Variants in FER observed in about 807,000 individuals in gnomAD.
The protein encoded by FER is tyrosine-protein kinase Fer.
Under a neutral mutation model 111.0 loss-of-function variants are expected in FER, and 63 were observed. The ratio of observed to expected loss-of-function variants is 0.57; its 90% CI spans 0.46 to 0.70. FER has a LOEUF of 0.70. FER is among the 30% of genes least tolerant of loss of function. The pLI, the probability that FER is intolerant of heterozygous loss-of-function variation, is 0.00. For missense variants in FER, 914 were observed against 954.0 expected (o/e 0.96, Z 0.55); for synonymous variants, 327 against 313.9 (o/e 1.04, Z -0.44).
At chr5:108,901,548 A>G (rs1314845551) in intron 10 of FER, among the ~76,000 whole-genome samples, 1 of 152,184 alleles carries the variant, frequency 6.6e-6, no homozygotes, top group Non-Finnish European at 1.5e-5. Context: ...AATAAAAGTG[A>G]AGCATCTTCA....
intron 2 of FER, among the ~76,000 whole-genome samples, chr5:108,772,881 A>G (rs1317407654): frequency 6.6e-6 from 1 of 152,226 alleles, no homozygotes; most frequent in Non-Finnish European, 1.5e-5. Context: ...GTAGCAGTCT[A>G]GTCTTTCAGA....
intron 13 of FER, among the ~76,000 whole-genome samples, chr5:109,027,443 G>C (rs568466282): frequency 6.6e-6 from 1 of 152,114 alleles, no homozygotes; most frequent in African/African-American, 2.4e-5. Context: ...AATAGAATAA[G>C]GTTGTTCTTT....
intron 10 of FER, among the ~76,000 whole-genome samples, chr5:108,945,647 A>G (rs1448148796): frequency 6.6e-6 from 1 of 152,012 alleles, no homozygotes; most frequent in African/African-American, 2.4e-5. Context: ...GAAACTTCCT[A>G]GGTACTGAAG....
At chr5:108,894,986 T>G (rs1190767618) in intron 9 of FER, among the ~76,000 whole-genome samples, 1 of 152,184 alleles carries the variant, frequency 6.6e-6, no homozygotes. Context: ...GCTATTCAGG[T>G]TCCCAGTGAG....
intron 17 of FER, among the ~76,000 whole-genome samples, chr5:109,135,258 C>T (rs1199879078): frequency 2.0e-5 from 3 of 152,130 alleles, no homozygotes; most frequent in African/African-American, 2.4e-5. Flanking sequence ...TATGTATATT[C>T]GTTCACTTAA....
intron 5 of FER, among the ~76,000 whole-genome samples, chr5:108,844,093 C>CAT (rs35948091): frequency 0.21 from 20,647 of 96,748 alleles, 2,952 homozygotes; most frequent in African/African-American, 0.39. Context: ...TGCGTGTGAA[C>CAT]ATATGTGTGT....
intron 5 of FER, among the ~76,000 whole-genome samples, chr5:108,863,966 T>G (rs1763782679): frequency 6.6e-6 from 1 of 152,180 alleles, no homozygotes; most frequent in African/African-American, 2.4e-5. Context: ...GCTTCCCTCC[T>G]GCCACTCTAG....
chr5:108,982,990 T>G (rs1762169551), intron 13 of FER, among the ~76,000 whole-genome samples: 1 of 152,096 alleles, frequency 6.6e-6, no homozygotes, highest in Non-Finnish European at 1.5e-5. Flanking sequence ...TTACTACTAC[T>G]AATATACTAA....
intron 16 of FER, among the ~76,000 whole-genome samples, chr5:109,088,905 A>G (rs556314122): frequency 6.6e-6 from 1 of 152,306 alleles, no homozygotes; most frequent in South Asian, 2.1e-4. Context: ...AAATGAAGAT[A>G]CCTGCACTGA....
At chr5:108,999,243 T>C (rs1764398429) in intron 13 of FER, among the ~76,000 whole-genome samples, 1 of 152,194 alleles carries the variant, frequency 6.6e-6, no homozygotes, top group South Asian at 2.1e-4. Flanking sequence ...CAATATGTCT[T>C]TGCATGTTTA....
chr5:108,822,043 T>C (rs528354996), intron 3 of FER, among the ~76,000 whole-genome samples: 3 of 152,300 alleles, frequency 2.0e-5, no homozygotes, highest in South Asian at 2.1e-4. Context: ...ATCATTCTAT[T>C]CTCTTTTTCT....
intron 13 of FER, among the ~76,000 whole-genome samples, chr5:109,019,375 AGTAACTT>A (rs768385752): frequency 6.6e-6 from 1 of 151,884 alleles, no homozygotes; most frequent in Non-Finnish European, 1.5e-5. Context: ...GGTCCTTCCT[AGTAACTT>A]TCTCTCAAGT....
intron 3 of FER, among the ~76,000 whole-genome samples, chr5:108,804,563 G>A (rs911386379): frequency 2.6e-5 from 4 of 152,090 alleles, no homozygotes; most frequent in South Asian, 2.1e-4. Flanking sequence ...TTTATCAAAC[G>A]CTTCAATCTC....
intron 5 of FER, among the ~76,000 whole-genome samples, chr5:108,861,823 T>C (rs1488171625): frequency 6.6e-6 from 1 of 152,208 alleles, no homozygotes; most frequent in Non-Finnish European, 1.5e-5. Context: ...TTTTATATGG[T>C]ATTAACATTT....
rs1580692102 is a variant in FER, at chr5:108,814,893, C to T, written c.207+16504C>T. Among the ~76,000 whole-genome samples the T allele has an allele frequency of 3.3e-5, 5 of 152,202 alleles. 1 individual carries two copies. The highest frequency in any genetic ancestry group is 3.3e-4 in the Admixed American group (5 of 15,276). On this transcript the variant is annotated intron_variant, in intron 3 of 19. Transcript: ENST00000281092. ...TTTCTTTTTTTGTTCGTTTGTATTC[C>T]TATTGGAGGAAATAGTAGGAGATGG...
intron 13 of FER, among the ~76,000 whole-genome samples, chr5:109,024,924 A>G (rs61155278): frequency 0.058 from 8,785 of 150,260 alleles, 629 homozygotes; most frequent in African/African-American, 0.16. Context: ...AAGATCAGAT[A>G]GTTGTAGATA....
At chr5:108,863,525 T>G (rs1353935968) in intron 5 of FER, among the ~76,000 whole-genome samples, 1 of 152,198 alleles carries the variant, frequency 6.6e-6, no homozygotes, top group Non-Finnish European at 1.5e-5. Flanking sequence ...TATGAAAAAT[T>G]ATTAGTAACT....
chr5:108,983,478 T>C (rs1301619367), intron 13 of FER, among the ~76,000 whole-genome samples: 1 of 152,140 alleles, frequency 6.6e-6, no homozygotes, highest in Admixed American at 6.6e-5. Context: ...AGCTGATTCA[T>C]AGTATTCTTC....
chr5:109,147,389 A>G lies in FER; in HGVS notation c.2049-33358A>G, dbSNP rs1396274280. ...AAGTTAGAAATATATTTCTAAAACCATGCAAATTTGCCTTTACTTTATCCC... is the reference window on the plus strand; with the variant it reads ...AAGTTAGAAATATATTTCTAAAACCGTGCAAATTTGCCTTTACTTTATCCC... On this transcript the variant is annotated intron_variant, in intron 17 of 19. Coordinates refer to ENST00000281092, the MANE Select transcript of FER (RefSeq NM_005246.4). Among the ~76,000 whole-genome samples, 6 of 152,070 alleles carry G rather than the reference A, an allele frequency of 3.9e-5. No individual in the cohort carries two copies. The East Asian group carries it at 1.2e-3, about 29-fold the overall frequency.
Sources: allele counts gnomAD v4.1 joint callset (sites outside exome capture counted in the v4.1 genomes callset), GRCh38; gene constraint gnomAD v4.1.1; transcripts MANE v1.5; gene names NCBI Gene and HGNC (gene_info 2026-07-23, HGNC 2026-07-21).